The following COL23A1 variants were observed in gnomAD, a reference collection of about 807,000 sequenced individuals.
COL23A1 encodes collagen alpha-1(XXIII) chain.
A neutral mutation model predicts 99.3 loss-of-function variants in COL23A1; 97 were observed. The ratio of observed to expected loss-of-function variants is 0.98; its 90% CI spans 0.83 to 1.16. The LOEUF (loss-of-function observed/expected upper bound fraction) is 1.16. Among genes scored for constraint, COL23A1 ranks in the 50% most tolerant of loss-of-function variants. COL23A1 has a pLI of 0.00. For missense variants in COL23A1, 762 were observed against 757.4 expected (o/e 1.01, Z -0.07); for synonymous variants, 320 against 308.2 (o/e 1.04, Z -0.40).
chr5:178,247,868 C>G (rs1274564586), intron 20 of COL23A1, 37 bp from the exon 21 acceptor site: 1 of 1,579,778 alleles, frequency 6.3e-7, no homozygotes, highest in African/African-American at 1.3e-5. Context: ...CACCCACCGC[C>G]TGTCACCCTC....
At chr5:178,311,726 TTGTTTTGTTTTG>T (rs377017539) in intron 2 of COL23A1, among the ~76,000 whole-genome samples, 130 of 11,232 alleles carry the variant, frequency 0.012, 29 homozygotes, top group Non-Finnish European at 0.023. Context: ...GTTTTTTGTT[TTGTTTTGTTTTG>T]TTTTTTTTTT....
At chr5:178,357,770 ATG>A (rs1036298895) in intron 2 of COL23A1, among the ~76,000 whole-genome samples, 8 of 125,578 alleles carry the variant, frequency 6.4e-5, no homozygotes, top group East Asian at 2.8e-4. Flanking sequence ...ACGTGTATGT[ATG>A]TGTGTATGTG....
chr5:178,331,095 T>C (rs1759992081), intron 2 of COL23A1, among the ~76,000 whole-genome samples: 1 of 152,214 alleles, frequency 6.6e-6, no homozygotes. Flanking sequence ...ATAAGTGAAA[T>C]GAGAACACGA....
At chr5:178,358,336 C>T (rs1274306623) in intron 2 of COL23A1, among the ~76,000 whole-genome samples, 1 of 135,908 alleles carries the variant, frequency 7.4e-6, no homozygotes, top group Non-Finnish European at 1.5e-5. Context: ...GTATGTATGT[C>T]TAATGTGTGT....
intron 2 of COL23A1, among the ~76,000 whole-genome samples, chr5:178,329,414 G>GC (rs1759878495): frequency 6.6e-6 from 1 of 151,970 alleles, no homozygotes. Flanking sequence ...CACAAGCCAG[G>GC]CCCCAGGCTC....
chr5:178,415,820 C>T lies in COL23A1; in HGVS notation c.362-108901G>A, dbSNP rs187600571. On this transcript the variant is annotated intron_variant, in intron 2 of 28. Coordinates refer to ENST00000390654, the MANE Select transcript of COL23A1 (RefSeq NM_173465.4). The surrounding 1 kb of genome is among the most constrained non-coding windows in gnomAD (Gnocchi z 4.6). ...CAAACAAGAAAGACTGAAAACTCCT[C>T]GAGGGCACAACTGCAGACATCAGGG... 2.9e-4 allele frequency among the ~76,000 whole-genome samples: 44 copies of T among 152,208 alleles called. No homozygotes were observed. In the Middle Eastern group the frequency reaches 0.014, roughly 47 times the overall value.
At chr5:178,483,214 T>C (rs1020595011) in intron 2 of COL23A1, among the ~76,000 whole-genome samples, 1 of 152,232 alleles carries the variant, frequency 6.6e-6, no homozygotes. Context: ...TAGAGTTAAA[T>C]ATTTGCATGT....
At chr5:178,356,338 G>A (rs1423016391) in intron 2 of COL23A1, among the ~76,000 whole-genome samples, 1 of 152,116 alleles carries the variant, frequency 6.6e-6, no homozygotes, top group Non-Finnish European at 1.5e-5. Context: ...TAAACAGCTG[G>A]AGTCTGCGGT....
chr5:178,567,757 A>G (rs1762905829), intron 1 of COL23A1, among the ~76,000 whole-genome samples: 2 of 152,248 alleles, frequency 1.3e-5, no homozygotes, highest in Non-Finnish European at 2.9e-5. Context: ...CAATTTAAGC[A>G]ACAAAATAAA....
At chr5:178,284,835 A>G (rs1757074097) in intron 5 of COL23A1, among the ~76,000 whole-genome samples, 1 of 152,260 alleles carries the variant, frequency 6.6e-6, no homozygotes, top group Admixed American at 6.5e-5. Flanking sequence ...TGCCCACTGC[A>G]CTAAGAAGGC....
At chr5:178,345,073 T>C in intron 2 of COL23A1, 2 of 587,450 alleles carry the variant, frequency 3.4e-6, no homozygotes, top group Non-Finnish European at 6.6e-6. Flanking sequence ...TTAAAGAAGC[T>C]TTTGGTTCAT....
chr5:178,568,149 G>C (rs1762925115), intron 1 of COL23A1, among the ~76,000 whole-genome samples: 4 of 152,196 alleles, frequency 2.6e-5, no homozygotes, highest in African/African-American at 4.8e-5. Context: ...ATCCCAAATT[G>C]TGAGACATTC....
rs556036206 is a variant in COL23A1, at chr5:178,584,137, G to C, written c.294+5767C>G. Among the ~76,000 whole-genome samples the C allele has an allele frequency of 3.0e-4, 45 of 152,266 alleles. No homozygotes were observed. In the East Asian group the frequency reaches 3.1e-3, roughly 10 times the overall value. On this transcript the variant is annotated intron_variant, in intron 1 of 28. Transcript: ENST00000390654. The stretch of plus-strand genomic sequence containing the variant: ...TTCAAGTGATTCTCGTGCCTCCCAA[G>C]TAGCTGGGATTACAGGCACATGTCA...
chr5:178,355,365 G>A (rs58187222), intron 2 of COL23A1, among the ~76,000 whole-genome samples: 5,540 of 152,242 alleles, frequency 0.036, 132 homozygotes, highest in Middle Eastern at 0.078. Flanking sequence ...GGGTCCTGGA[G>A]CCAATCCCCC....
intron 7 of COL23A1, 68 bp from the exon 8 acceptor site, chr5:178,267,401 A>G (rs2081870): frequency 1.1e-5 from 17 of 1,530,704 alleles, no homozygotes; most frequent in East Asian, 2.3e-5. Context: ...CCCGTCGGGC[A>G]TCTGTGCCCA....
At chr5:178,271,091 G>A (rs1338730475) in intron 5 of COL23A1, among the ~76,000 whole-genome samples, 1 of 152,132 alleles carries the variant, frequency 6.6e-6, no homozygotes, top group East Asian at 1.9e-4. Context: ...GGACCTCCAG[G>A]CCCCCTGCAG....
At chr5:178,530,005 C>T (rs1255353108) in intron 2 of COL23A1, among the ~76,000 whole-genome samples, 2 of 152,212 alleles carry the variant, frequency 1.3e-5, no homozygotes, top group Non-Finnish European at 2.9e-5. Context: ...AAAGCCTGTT[C>T]CATAACAGTT....
intron 2 of COL23A1, among the ~76,000 whole-genome samples, chr5:178,503,012 G>A (rs10155550): frequency 1.2e-3 from 188 of 152,296 alleles, no homozygotes; most frequent in Admixed American, 4.0e-3. Flanking sequence ...AGTCAGGAAC[G>A]TTAGAAAAAC....
chr5:178,341,198 C>T lies in COL23A1; in HGVS notation c.362-34279G>A, dbSNP rs1430735484. Among the ~76,000 whole-genome samples, 4 of 152,200 alleles carry T rather than the reference C, an allele frequency of 2.6e-5. No individual in the cohort carries two copies. The East Asian group carries it at 7.7e-4, about 29-fold the overall frequency. ...CTGGATCACAGTAGTGCGATGAGCT[C>T]ACTTCAGCCTTGAACTTCCGGGCTC... is the stretch of plus-strand genomic sequence containing the variant. On this transcript the variant is annotated intron_variant, in intron 2 of 28. Coordinates refer to ENST00000390654, the MANE Select transcript of COL23A1 (RefSeq NM_173465.4).
Sources: gnomAD v4.1 joint callset for allele counts (sites outside exome capture counted in the v4.1 genomes callset) on GRCh38, gnomAD v4.1.1 for gene constraint, Gnocchi (gnomAD v3.1) non-coding constraint, MANE v1.5 for transcripts, NCBI Gene and HGNC (gene_info 2026-07-23, HGNC 2026-07-21) for gene names.